The following ATG7 variants were observed in gnomAD, a reference collection of about 807,000 sequenced individuals.
The protein encoded by ATG7 is autophagy related 7, also known as ubiquitin-like modifier-activating enzyme ATG7.
A neutral mutation model predicts 82.4 loss-of-function variants in ATG7; 70 were observed. The ratio of observed to expected loss-of-function variants is 0.85; its 90% CI spans 0.70 to 1.04. The LOEUF (loss-of-function observed/expected upper bound fraction) is 1.04. ATG7 is among the 50% of genes least tolerant of loss of function. The pLI is 0.00. For missense variants in ATG7, 792 were observed against 864.3 expected, an observed-to-expected ratio of 0.92 and a Z score of 1.05; for synonymous variants, 287 against 313.0, an observed-to-expected ratio of 0.92 and a Z score of 0.88.
intron 20 of ATG7, among the ~76,000 whole-genome samples, chr3:11,435,902 G>A (rs1007962978): frequency 8.5e-5 from 13 of 152,146 alleles, no homozygotes; most frequent in Admixed American, 5.9e-4. Flanking sequence ...ACAGCATTTT[G>A]CAAATCATAC....
chr3:11,428,429 T>C (rs2082563794), intron 20 of ATG7, among the ~76,000 whole-genome samples: 1 of 152,232 alleles, frequency 6.6e-6, no homozygotes, highest in African/African-American at 2.4e-5. Context: ...GGCAAGATAG[T>C]ACATCTCTAG....
chr3:11,450,800 C>T (rs776656519), intron 20 of ATG7, among the ~76,000 whole-genome samples: 14 of 152,192 alleles, frequency 9.2e-5, no homozygotes, highest in African/African-American at 2.9e-4. Context: ...TAGTTAAGAT[C>T]GTATTTTCTG....
chr3:11,501,956 T>TG (rs2091359312), intron 20 of ATG7, among the ~76,000 whole-genome samples: 1 of 152,206 alleles, frequency 6.6e-6, no homozygotes, highest in Non-Finnish European at 1.5e-5. Context: ...CCCAAAGTGC[T>TG]GGGATTACAG....
At chr3:11,345,599 T>A (rs990578323) in intron 13 of ATG7, among the ~76,000 whole-genome samples, 1 of 152,178 alleles carries the variant, frequency 6.6e-6, no homozygotes, top group Non-Finnish European at 1.5e-5. Context: ...TTAAAAAATC[T>A]TTTCATATTC....
At chr3:11,336,799 A>T (rs1952577124) in intron 11 of ATG7, among the ~76,000 whole-genome samples, 1 of 151,982 alleles carries the variant, frequency 6.6e-6, no homozygotes, top group Non-Finnish European at 1.5e-5. Context: ...TAGCTTCCCG[A>T]GTATCTGGGA....
At chr3:11,287,785 T>A (rs1303334237) in intron 3 of ATG7, among the ~76,000 whole-genome samples, 2 of 152,262 alleles carry the variant, frequency 1.3e-5, no homozygotes, top group African/African-American at 4.8e-5. Flanking sequence ...GAATCTGGCC[T>A]TCGCCCTCAG....
intron 20 of ATG7, among the ~76,000 whole-genome samples, chr3:11,548,347 C>A (rs1270759878): frequency 3.3e-5 from 5 of 152,122 alleles, no homozygotes; most frequent in Non-Finnish European, 5.9e-5. Flanking sequence ...GCTATCTTTT[C>A]TCTTTCTTAA....
the ATG7 span, among the ~76,000 whole-genome samples, chr3:11,571,493 G>C: frequency 6.6e-6 from 1 of 152,000 alleles, no homozygotes; most frequent in Non-Finnish European, 1.5e-5. Context: ...AGACCAGCCT[G>C]GGCAACATGG....
intron 20 of ATG7, among the ~76,000 whole-genome samples, chr3:11,428,610 T>A (rs1052859203): frequency 6.6e-6 from 1 of 152,228 alleles, no homozygotes; most frequent in African/African-American, 2.4e-5. Flanking sequence ...TTTAAGGTAT[T>A]TTTCCCCTGA....
intron 7 of ATG7, among the ~76,000 whole-genome samples, chr3:11,312,030 G>T (rs1380175823): frequency 1.3e-5 from 2 of 151,322 alleles, no homozygotes; most frequent in Non-Finnish European, 2.9e-5. Context: ...GGGGAATGGG[G>T]AGTCTCTGCT....
chr3:11,441,328 C>T (rs1462228178), intron 20 of ATG7, among the ~76,000 whole-genome samples: 1 of 152,084 alleles, frequency 6.6e-6, no homozygotes. Context: ...ACTGAAACCT[C>T]TGCCTCCAGG....
intron 20 of ATG7, among the ~76,000 whole-genome samples, chr3:11,455,885 T>C (rs1162466518): frequency 6.6e-6 from 1 of 152,350 alleles, no homozygotes; most frequent in African/African-American, 2.4e-5. Flanking sequence ...TAACCTGTCT[T>C]ATGTTCTTTC....
At chr3:11,390,572 G>A (rs1416215118) in intron 19 of ATG7, among the ~76,000 whole-genome samples, 2 of 152,146 alleles carry the variant, frequency 1.3e-5, no homozygotes, top group Non-Finnish European at 2.9e-5. Context: ...GGCTGTGCTA[G>A]TTTGATCTGT....
chr3:11,320,102 C>T (rs1468186240), intron 9 of ATG7, among the ~76,000 whole-genome samples: 1 of 152,208 alleles, frequency 6.6e-6, no homozygotes, highest in African/African-American at 2.4e-5. Flanking sequence ...TTCCCTGCCA[C>T]AGGGCTTTTG....
At chr3:11,329,074 A>G (rs146779765) in intron 9 of ATG7, among the ~76,000 whole-genome samples, 43 of 152,310 alleles carry the variant, frequency 2.8e-4, no homozygotes, top group African/African-American at 9.9e-4. Flanking sequence ...CAGCCTGGGT[A>G]ATAACGGTAA....
chr3:11,360,087 C>T (rs941739053), intron 15 of ATG7, among the ~76,000 whole-genome samples: 4 of 152,068 alleles, frequency 2.6e-5, no homozygotes, highest in African/African-American at 9.7e-5. Context: ...GCTCTGTCAC[C>T]CAGGCTGGAG....
At chr3:11,502,403 T>C (rs1177565748) in intron 20 of ATG7, among the ~76,000 whole-genome samples, 1 of 115,534 alleles carries the variant, frequency 8.7e-6, no homozygotes, top group Non-Finnish European at 1.7e-5. Flanking sequence ...GTCCCCAGAG[T>C]GTGATGTTCC....
chr3:11,290,527 C>A (rs1185947714), intron 3 of ATG7: 4 of 369,378 alleles, frequency 1.1e-5, no homozygotes, highest in South Asian at 1.9e-5. Context: ...TTGGCCTTCT[C>A]CTTCCTCTTC....
chr3:11,301,647 T>A (rs1465884935), intron 5 of ATG7, among the ~76,000 whole-genome samples: 1 of 152,190 alleles, frequency 6.6e-6, no homozygotes, highest in Non-Finnish European at 1.5e-5. Flanking sequence ...AGAAATAAAA[T>A]CCTAATAATC....
Sources: gnomAD v4.1 joint callset for allele counts (sites outside exome capture counted in the v4.1 genomes callset) on GRCh38, gnomAD v4.1.1 for gene constraint, MANE v1.5 for transcripts, NCBI Gene and HGNC (gene_info 2026-07-23, HGNC 2026-07-21) for gene names.